Variants in THSD4 observed in about 807,000 individuals in gnomAD.
THSD4 encodes thrombospondin type 1 domain containing 4, also known as thrombospondin type-1 domain-containing protein 4.
THSD4 carries 69 observed loss-of-function variants against 119.0 expected under a neutral mutation model. The observed-to-expected ratio is 0.58, with a 90% CI of 0.48 to 0.71. The LOEUF (loss-of-function observed/expected upper bound fraction) is 0.71. Ranked by LOEUF, THSD4 falls within the 30% of genes least tolerant of loss-of-function variation. THSD4 has a pLI of 0.00. For synonymous variants in THSD4, 524 were observed against 540.4 expected, an observed-to-expected ratio of 0.97 and a Z score of 0.42; for missense variants, 1,393 against 1,391.1, an observed-to-expected ratio of 1.00 and a Z score of -0.02.
intron 5 of THSD4, among the ~76,000 whole-genome samples, chr15:71,245,540 AG>A (rs956727339): frequency 2.0e-5 from 3 of 152,234 alleles, no homozygotes; most frequent in Non-Finnish European, 4.4e-5. Flanking sequence ...ACTAAAGGAA[AG>A]GCTCATAGGC....
chr15:71,676,919 C>A (rs2051663639), intron 8 of THSD4, among the ~76,000 whole-genome samples: 1 of 152,160 alleles, frequency 6.6e-6, no homozygotes, highest in African/African-American at 2.4e-5. Context: ...CATTGGCATA[C>A]AACTACCTGT....
intron 8 of THSD4, among the ~76,000 whole-genome samples, chr15:71,694,729 T>C (rs536486338): frequency 6.6e-6 from 1 of 152,316 alleles, no homozygotes; most frequent in East Asian, 1.9e-4. Flanking sequence ...CAGGACATGC[T>C]GTTATAACTC....
intron 7 of THSD4, among the ~76,000 whole-genome samples, chr15:71,422,280 C>T (rs2046818862): frequency 6.6e-6 from 1 of 152,112 alleles, no homozygotes; most frequent in South Asian, 2.1e-4. Flanking sequence ...TCTGGGTTTG[C>T]TTGTACACAG....
chr15:71,674,117 TA>T, intron 8 of THSD4, among the ~76,000 whole-genome samples: 1 of 152,350 alleles, frequency 6.6e-6, no homozygotes, highest in East Asian at 1.9e-4. Context: ...ATGGTTTCTC[TA>T]GGGGTATAAA....
At chr15:71,267,942 G>C (rs796151456) in intron 6 of THSD4, among the ~76,000 whole-genome samples, 1 of 152,166 alleles carries the variant, frequency 6.6e-6, no homozygotes, top group African/African-American at 2.4e-5. Context: ...CAATACAGGA[G>C]CATCCAGATT....
rs1454179593 is a variant in THSD4 at position 71,294,426 on chromosome 15, A to G, written c.1015+37711A>G. Reference sequence around the variant, plus strand: ...TCCCTTCTTACCTTCGCCCTCTGCCATGTTGACATTCTTATCTGATGGCAC... The same window carrying G: ...TCCCTTCTTACCTTCGCCCTCTGCCGTGTTGACATTCTTATCTGATGGCAC... On this transcript the variant is annotated intron_variant, in intron 6 of 17. Transcript: ENST00000261862. Among the ~76,000 whole-genome samples, 4 of 152,190 alleles carry G rather than the reference A, an allele frequency of 2.6e-5. No homozygotes were observed. The East Asian group carries it at 5.8e-4, about 22-fold the overall frequency.
intron 7 of THSD4, among the ~76,000 whole-genome samples, chr15:71,612,059 A>T (rs1360901626): frequency 2.6e-5 from 4 of 152,192 alleles, no homozygotes. Context: ...GGTCCCAGGA[A>T]AACTGGGTCA....
intron 7 of THSD4, among the ~76,000 whole-genome samples, chr15:71,499,051 C>G (rs1271674403): frequency 1.3e-5 from 2 of 152,046 alleles, no homozygotes; most frequent in African/African-American, 4.8e-5. Context: ...CAAGAACCCT[C>G]ATTAGTATTG....
At chr15:71,468,396 C>T (rs1019136003) in intron 7 of THSD4, among the ~76,000 whole-genome samples, 1 of 152,140 alleles carries the variant, frequency 6.6e-6, no homozygotes, top group African/African-American at 2.4e-5. Flanking sequence ...CTCTCAGATC[C>T]CTTTTTCCTT....
chr15:71,409,737 G>C (rs1378861214), intron 6 of THSD4, among the ~76,000 whole-genome samples: 2 of 152,110 alleles, frequency 1.3e-5, no homozygotes, highest in African/African-American at 4.8e-5. Context: ...GTTTATTGCT[G>C]TGACAGTCAG....
chr15:71,251,726 C>G (rs1283331756), intron 5 of THSD4, among the ~76,000 whole-genome samples: 2 of 152,122 alleles, frequency 1.3e-5, no homozygotes, highest in African/African-American at 4.8e-5. Context: ...TGCTGTCCGT[C>G]TCCTGGGGAG....
At chr15:71,118,220 T>A (rs1422353453) in intron 1 of THSD4, among the ~76,000 whole-genome samples, 11 of 152,280 alleles carry the variant, frequency 7.2e-5, no homozygotes, top group Non-Finnish European at 1.5e-4. Flanking sequence ...GCATTTAAAA[T>A]GTTTCCTAAT....
chr15:71,188,250 C>G (rs931441722), intron 3 of THSD4, among the ~76,000 whole-genome samples: 1 of 152,074 alleles, frequency 6.6e-6, no homozygotes, highest in Non-Finnish European at 1.5e-5. Context: ...AGGACTTGGC[C>G]TTGGCTTCGA....
At chr15:71,527,000 A>T (rs1224137336) in intron 7 of THSD4, among the ~76,000 whole-genome samples, 1 of 152,140 alleles carries the variant, frequency 6.6e-6, no homozygotes, top group Non-Finnish European at 1.5e-5. Flanking sequence ...AAACTTAATC[A>T]CCATTGCAGT....
intron 7 of THSD4, among the ~76,000 whole-genome samples, chr15:71,608,659 A>T (rs908709530): frequency 4.6e-5 from 7 of 152,184 alleles, no homozygotes; most frequent in African/African-American, 1.7e-4. Context: ...AGAGGCCATG[A>T]GCATTTTAAG....
intron 7 of THSD4, among the ~76,000 whole-genome samples, chr15:71,435,382 A>C (rs561658747): frequency 1.3e-5 from 2 of 152,310 alleles, no homozygotes; most frequent in Admixed American, 1.3e-4. Context: ...CCTTTTAAAA[A>C]TCTTGCCAAG....
intron 7 of THSD4, among the ~76,000 whole-genome samples, chr15:71,581,957 T>C (rs1043049437): frequency 6.6e-6 from 1 of 152,198 alleles, no homozygotes; most frequent in Non-Finnish European, 1.5e-5. Context: ...TACTTTCAGC[T>C]TTGTTCTTGC....
chr15:71,594,409 A>G (rs2049868491), intron 7 of THSD4, among the ~76,000 whole-genome samples: 1 of 152,038 alleles, frequency 6.6e-6, no homozygotes. Context: ...GGGTTTCACC[A>G]TGTTGGCTGG....
chr15:71,372,585 A>G (rs1185966805), intron 6 of THSD4, among the ~76,000 whole-genome samples: 1 of 152,274 alleles, frequency 6.6e-6, no homozygotes, highest in East Asian at 1.9e-4. Flanking sequence ...TGGAGGCTGC[A>G]AAACAGCAAA....
Sources: allele counts gnomAD v4.1 joint callset (sites outside exome capture counted in the v4.1 genomes callset), GRCh38; gene constraint gnomAD v4.1.1; transcripts MANE v1.5; gene names NCBI Gene and HGNC (gene_info 2026-07-23, HGNC 2026-07-21).